Variants in PNLIPRP3 observed in about 807,000 individuals in gnomAD.
The protein encoded by PNLIPRP3 is pancreatic lipase related protein 3.
A neutral mutation model predicts 52.8 loss-of-function variants in PNLIPRP3; 58 were observed. The observed-to-expected ratio is 1.10, with a 90% confidence interval of 0.89 to 1.37. PNLIPRP3 has a LOEUF of 1.37. Among genes scored for constraint, PNLIPRP3 ranks in the 40% most tolerant of loss-of-function variants. PNLIPRP3 has a pLI of 0.00. For missense variants in PNLIPRP3, 593 were observed against 561.6 expected, an observed-to-expected ratio of 1.06 and a Z score of -0.57; for synonymous variants, 192 against 185.0, an observed-to-expected ratio of 1.04 and a Z score of -0.31.
At chr10:116,439,059 C>T (rs547947205) in intron 2 of PNLIPRP3, among the ~76,000 whole-genome samples, 1 of 152,182 alleles carries the variant, frequency 6.6e-6, no homozygotes, top group South Asian at 2.1e-4. Flanking sequence ...TTAATGGGTA[C>T]AGAATTTTAG....
In PNLIPRP3 at chr10:116,436,836, T is replaced by C; in HGVS notation, c.175T>C (p.Tyr59His). 1.2e-6 allele frequency: 2 copies of C among 1,609,370 alleles called. No individual in the cohort carries two copies. Among genetic ancestry groups the C allele is most frequent in the Non-Finnish European group, 1.7e-6 (2 of 1,177,348 alleles). ...GAAGATAAACACTCGTTTCCTGCTC[T>C]ACACTATACACAATCCCAATGCCTA... is the stretch of plus-strand genomic sequence containing the variant. ...PEKINTRFLLYTIHNPNAYQE... is the reference protein window; with the variant it reads ...PEKINTRFLLHTIHNPNAYQE... Residue 59 changes from tyrosine to histidine, a missense_variant, in exon 2 of 12, where the codon TAC becomes CAC. Coordinates refer to ENST00000369230, the MANE Select transcript of PNLIPRP3 (RefSeq NM_001011709.3).
At position 116,436,843 on chromosome 10, in the gene PNLIPRP3, TAC is replaced by T. The variant is rs1564692754; in HGVS notation, c.186_187del (p.His62GlnfsTer12). The T allele has an allele frequency of 6.2e-7, 1 of 1,605,164 alleles. No individual in the cohort carries two copies. Among genetic ancestry groups the T allele is most frequent in the East Asian group, 2.2e-5 (1 of 44,746 alleles). ...AACACTCGTTTCCTGCTCTACACTA[TAC>T]ACAATCCCAATGCCTATCAGGTAAG... On this transcript the variant is annotated frameshift_variant, in exon 2 of 12. Coordinates refer to ENST00000369230, the MANE Select transcript of PNLIPRP3 (RefSeq NM_001011709.3). LOFTEE classifies it high-confidence loss of function.
At chr10:116,455,416 G>T (rs1846097954) in intron 4 of PNLIPRP3, among the ~76,000 whole-genome samples, 1 of 152,324 alleles carries the variant, frequency 6.6e-6, no homozygotes, top group South Asian at 2.1e-4. Flanking sequence ...CCTCAGGAAG[G>T]ATCAGCATGG....
Position 116,453,861 on chromosome 10 carries a change from T to G in PNLIPRP3, c.457-1861T>G, listed in dbSNP as rs113562904. Among the ~76,000 whole-genome samples, 397 of 152,268 alleles carry G rather than the reference T, an allele frequency of 2.6e-3. 1 individual carries two copies. The highest frequency in any genetic ancestry group is 4.7e-3 in the Non-Finnish European group (320 of 68,026). On this transcript the variant is annotated intron_variant, in intron 4 of 11. Coordinates refer to ENST00000369230, the MANE Select transcript of PNLIPRP3 (RefSeq NM_001011709.3). ...GTATAGACGTGCCGTGATGGTTTGC[T>G]GCACCTATCAACCCATCATCTAGGT...
intron 4 of PNLIPRP3, among the ~76,000 whole-genome samples, chr10:116,450,543 G>T (rs1267689454): frequency 6.6e-6 from 1 of 151,892 alleles, no homozygotes; most frequent in East Asian, 1.9e-4. Flanking sequence ...TTGAAAAGAT[G>T]AACAACATTT....
intron 5 of PNLIPRP3, among the ~76,000 whole-genome samples, chr10:116,456,435 C>T (rs186041759): frequency 1.3e-3 from 196 of 152,160 alleles, no homozygotes; most frequent in African/African-American, 3.7e-3. Context: ...CTCAAAATAC[C>T]ACATGTGCCC....
At chr10:116,442,492 A>AC (rs1308652151) in intron 2 of PNLIPRP3, among the ~76,000 whole-genome samples, 1 of 152,204 alleles carries the variant, frequency 6.6e-6, no homozygotes, top group African/African-American at 2.4e-5. Context: ...AAACTTCCCA[A>AC]CATTGTCTTG....
At chr10:116,476,320 G>A (rs1274965924) in intron 10 of PNLIPRP3, among the ~76,000 whole-genome samples, 1 of 152,112 alleles carries the variant, frequency 6.6e-6, no homozygotes, top group Non-Finnish European at 1.5e-5. Context: ...ACTATTGAGA[G>A]TTTCTTGATT....
intron 4 of PNLIPRP3, among the ~76,000 whole-genome samples, chr10:116,446,620 G>A (rs1037257738): frequency 6.6e-6 from 1 of 152,150 alleles, no homozygotes; most frequent in African/African-American, 2.4e-5. Flanking sequence ...GCTCAGGAGT[G>A]ACATTATTAA....
intron 5 of PNLIPRP3, among the ~76,000 whole-genome samples, chr10:116,456,155 TAGG>T (rs1203033884): frequency 1.3e-5 from 2 of 152,002 alleles, no homozygotes; most frequent in Admixed American, 6.5e-5. Context: ...TACCTAGACG[TAGG>T]AGTAGAATGG....
chr10:116,454,522 A>T (rs1227621495), intron 4 of PNLIPRP3, among the ~76,000 whole-genome samples: 1 of 152,228 alleles, frequency 6.6e-6, no homozygotes, highest in Non-Finnish European at 1.5e-5. Flanking sequence ...TCAGAAACTT[A>T]TTCCTCCTGT....
intron 4 of PNLIPRP3, among the ~76,000 whole-genome samples, chr10:116,445,006 A>G (rs1250401912): frequency 2.0e-5 from 3 of 152,252 alleles, no homozygotes; most frequent in East Asian, 1.9e-4. Flanking sequence ...TATTAGGCCT[A>G]TACTCTGCGA....
chr10:116,472,249 A>G (rs1846385463), intron 10 of PNLIPRP3, among the ~76,000 whole-genome samples: 1 of 152,230 alleles, frequency 6.6e-6, no homozygotes, highest in South Asian at 2.1e-4. Context: ...AGACATTTAT[A>G]TAAATTGCTA....
chr10:116,476,973 A>G (rs113815081), intron 11 of PNLIPRP3, 117 bp from the exon 12 acceptor site: 7 of 1,161,900 alleles, frequency 6.0e-6, no homozygotes, highest in Non-Finnish European at 7.2e-6. Flanking sequence ...AACCAATGCT[A>G]TATGTGCAGA....
chr10:116,451,420 A>G (rs1302897016), intron 4 of PNLIPRP3, among the ~76,000 whole-genome samples: 1 of 152,194 alleles, frequency 6.6e-6, no homozygotes, highest in Non-Finnish European at 1.5e-5. Flanking sequence ...AAAAGCAAAA[A>G]TAGACAAAGA....
intron 1 of PNLIPRP3, 56 bp from the exon 2 acceptor site, chr10:116,436,654 CA>C: frequency 6.9e-7 from 1 of 1,455,086 alleles, no homozygotes; most frequent in Non-Finnish European, 9.2e-7. Flanking sequence ...TAGTGAGAAA[CA>C]CAGCCTCTCT....
intron 7 of PNLIPRP3, among the ~76,000 whole-genome samples, chr10:116,464,774 C>G (rs773301782): frequency 9.9e-5 from 15 of 152,220 alleles, no homozygotes; most frequent in Non-Finnish European, 1.6e-4. Flanking sequence ...GGAAACATTA[C>G]GGCTTGTTTG....
intron 1 of PNLIPRP3, among the ~76,000 whole-genome samples, chr10:116,433,508 T>C (rs10510019): frequency 0.68 from 103,039 of 152,086 alleles, 41,543 homozygotes; most frequent in South Asian, 0.91. Context: ...TTTTCATTCT[T>C]GTAGGACATG....
At chr10:116,476,532 C>A in intron 10 of PNLIPRP3, 120 bp from the exon 11 acceptor site, 1 of 748,642 alleles carries the variant, frequency 1.3e-6, no homozygotes, top group Non-Finnish European at 2.0e-6. Flanking sequence ...AATAAATCTC[C>A]TACAAGCAAA....
Sources: gnomAD v4.1 joint callset for allele counts (sites outside exome capture counted in the v4.1 genomes callset) on GRCh38, gnomAD v4.1.1 for gene constraint, MANE v1.5 for transcripts, NCBI Gene and HGNC (gene_info 2026-07-23, HGNC 2026-07-21) for gene names.